Variants in LY6S observed in about 807,000 individuals in gnomAD.
The protein encoded by LY6S is lymphocyte antigen 6 family member S.
the LY6S span, among the ~76,000 whole-genome samples, chr8:143,049,607 G>C: frequency 6.6e-6 from 1 of 152,212 alleles, no homozygotes; most frequent in Admixed American, 6.5e-5. Context: ...CCAACTCCAA[G>C]TCCAGATAGG....
chr8:143,068,735 G>A, the LY6S span, among the ~76,000 whole-genome samples: 1 of 150,078 alleles, frequency 6.7e-6, no homozygotes, highest in African/African-American at 2.5e-5. Context: ...CCAACAAAAG[G>A]GCACTTGACT....
At chr8:143,073,122 G>A in the LY6S span, among the ~76,000 whole-genome samples, 22 of 92,190 alleles carry the variant, frequency 2.4e-4, no homozygotes, top group African/African-American at 1.3e-3. Context: ...GACAGCCGTC[G>A]TCCTCGGGGT....
At chr8:143,074,830 C>G in the LY6S span, among the ~76,000 whole-genome samples, 2 of 152,208 alleles carry the variant, frequency 1.3e-5, no homozygotes, top group East Asian at 1.9e-4. Context: ...CAGTCTCTCC[C>G]CGCAGGTAGA....
the LY6S span, among the ~76,000 whole-genome samples, chr8:143,055,889 C>T: frequency 2.6e-5 from 4 of 152,166 alleles, no homozygotes; most frequent in East Asian, 5.8e-4. Context: ...TACAGTAAGG[C>T]GGCAGTGAAT....
the LY6S span, among the ~76,000 whole-genome samples, chr8:143,072,823 G>T: frequency 1.4e-5 from 2 of 142,012 alleles, no homozygotes; most frequent in African/African-American, 2.6e-5. Context: ...GTCGTCCTCG[G>T]GATTCCTGTT....
At chr8:143,071,498 G>A in the LY6S span, among the ~76,000 whole-genome samples, 1 of 152,168 alleles carries the variant, frequency 6.6e-6, no homozygotes, top group African/African-American at 2.4e-5. Flanking sequence ...ATCAATATCG[G>A]TTTATCCATT....
the LY6S span, among the ~76,000 whole-genome samples, chr8:143,073,261 C>CCCAGGG: frequency 6.6e-6 from 1 of 150,796 alleles, no homozygotes; most frequent in African/African-American, 2.4e-5. Context: ...AGCTGTCGTC[C>CCCAGGG]TCGGGGTCCC....
the LY6S span, among the ~76,000 whole-genome samples, chr8:143,043,699 G>C: frequency 1.3e-5 from 2 of 152,060 alleles, no homozygotes; most frequent in Admixed American, 1.3e-4. Context: ...TTTTGAGATG[G>C]AGTTTTGCTC....
chr8:143,047,335 C>CG, the LY6S span, among the ~76,000 whole-genome samples: 1 of 151,450 alleles, frequency 6.6e-6, no homozygotes, highest in Non-Finnish European at 1.5e-5. Flanking sequence ...TTAGTAGAGA[C>CG]GGGGTTTTAC....
chr8:143,061,886 G>A, the LY6S span, among the ~76,000 whole-genome samples: 82 of 152,108 alleles, frequency 5.4e-4, no homozygotes, highest in Non-Finnish European at 7.5e-4. Context: ...TAGAACAAGC[G>A]GACAAAAATT....
the LY6S span, among the ~76,000 whole-genome samples, chr8:143,069,581 G>T: frequency 6.6e-6 from 1 of 152,298 alleles, no homozygotes; most frequent in Admixed American, 6.5e-5. Context: ...TGCTCCAGGT[G>T]AACTGGGACC....
At chr8:143,053,557 T>C in the LY6S span, 2 of 152,122 alleles carry the variant, frequency 1.3e-5, no homozygotes, top group Admixed American at 1.3e-4. Context: ...AGGATAGGGA[T>C]AGCAGCCCCA....
At chr8:143,052,720 C>T in the LY6S span, among the ~76,000 whole-genome samples, 10 of 152,092 alleles carry the variant, frequency 6.6e-5, no homozygotes, top group Non-Finnish European at 8.8e-5. Context: ...TCGTGGAGGC[C>T]GCAATCCTCC....
chr8:143,046,534 C>T, the LY6S span, among the ~76,000 whole-genome samples: 12 of 148,502 alleles, frequency 8.1e-5, no homozygotes, highest in Non-Finnish European at 1.0e-4. Context: ...GATGAGATTG[C>T]GCCACTACAC....
At chr8:143,046,145 G>A in the LY6S span, among the ~76,000 whole-genome samples, 10 of 152,030 alleles carry the variant, frequency 6.6e-5, no homozygotes, top group African/African-American at 2.4e-4. Context: ...CAGCTACCAC[G>A]CCCAGCCCAA....
chr8:143,048,321 G>C, the LY6S span, among the ~76,000 whole-genome samples: 1 of 152,144 alleles, frequency 6.6e-6, no homozygotes, highest in Admixed American at 6.6e-5. Flanking sequence ...TCAACATTCA[G>C]TATTTGGGCT....
the LY6S span, chr8:143,057,253 T>C: frequency 5.8e-6 from 1 of 173,036 alleles, no homozygotes; most frequent in Non-Finnish European, 1.1e-5. Context: ...TATTATTATT[T>C]TTATTTTTTT....
the LY6S span, among the ~76,000 whole-genome samples, chr8:143,067,926 T>C: frequency 6.6e-6 from 1 of 152,208 alleles, no homozygotes; most frequent in African/African-American, 2.4e-5. Context: ...CGGTCAGCTT[T>C]ACACTGAGGC....
chr8:143,062,987 G>A, the LY6S span, among the ~76,000 whole-genome samples: 8 of 152,312 alleles, frequency 5.3e-5, no homozygotes, highest in Admixed American at 1.3e-4. Context: ...ATTGGCAAAG[G>A]GGACAGACAG....
Sources: gnomAD v4.1 joint callset for allele counts (sites outside exome capture counted in the v4.1 genomes callset) on GRCh38, gnomAD v4.1.1 for gene constraint, MANE v1.5 for transcripts, NCBI Gene and HGNC (gene_info 2026-07-23, HGNC 2026-07-21) for gene names.